ADCY10: variants seen among roughly 807,000 people sequenced by gnomAD.
ADCY10 encodes the protein adenylate cyclase 10, also known as adenylate cyclase type 10.
ADCY10 carries 156 observed loss-of-function variants against 183.3 expected under a neutral mutation model. The observed-to-expected ratio is 0.85, with a 90% confidence interval of 0.75 to 0.97. The LOEUF is 0.97. Among genes scored for constraint, ADCY10 ranks in the 50% least tolerant of loss-of-function variants. The pLI, the probability that ADCY10 is intolerant of heterozygous loss-of-function variation, is 0.00. For missense variants in ADCY10, 1,745 were observed against 1,934.3 expected, an observed-to-expected ratio of 0.90 and a Z score of 1.84; for synonymous variants, 645 against 670.0, an observed-to-expected ratio of 0.96 and a Z score of 0.58.
intron 22 of ADCY10, chr1:167,836,960 G>C (rs1488854032): frequency 4.9e-6 from 2 of 406,894 alleles, no homozygotes; most frequent in Admixed American, 3.7e-5. Flanking sequence ...AGAAGGCGGA[G>C]GTTGCAGTGA....
rs777481004 is a variant in ADCY10 at position 167,854,443 on chromosome 1, A to G, written c.2218T>C (p.Leu740=). Residue 740 remains leucine (L), a synonymous_variant, in exon 18 of 33, where the codon TTG becomes CTG. Transcript: ENST00000367851. ...TCATGATGTTCCAGGTTTTTAAGCA[A>G]TTCTTCACAGTAAAATGGAATCCCA... is the stretch of plus-strand genomic sequence containing the variant. ...SCGIPFYCEE[L]LKNLEHHEVL... is the part of the protein sequence containing the mutation. The G allele has an allele frequency of 6.2e-7, 1 of 1,614,186 alleles. No individual in the cohort carries two copies. The highest frequency in any genetic ancestry group is 2.2e-5 in the East Asian group (1 of 44,878).
At chr1:167,905,395 G>C (rs1669742399) in intron 1 of ADCY10, among the ~76,000 whole-genome samples, 197 bp from the exon 2 acceptor site, 1 of 152,202 alleles carries the variant, frequency 6.6e-6, no homozygotes, top group Admixed American at 6.5e-5. Flanking sequence ...TGTTGCATAA[G>C]TGAGCTCCAT....
chr1:167,824,380 C>CCTTCCCCACCCTAGGACTAGGCTAGG, intron 28 of ADCY10, 96 bp downstream of exon 28: 1 of 1,012,750 alleles, frequency 9.9e-7, no homozygotes, highest in Non-Finnish European at 1.6e-6. Context: ...AACTCTACTC[C>CCTTCCCCACCCTAGGACTAGGCTAGG]CTTCCCCACC....
chr1:167,826,259 C>T (rs1168266847), intron 26 of ADCY10, among the ~76,000 whole-genome samples: 1 of 152,154 alleles, frequency 6.6e-6, no homozygotes, highest in Admixed American at 6.5e-5. Context: ...ACGAGAAATC[C>T]AAGGCTGTAA....
intron 18 of ADCY10, among the ~76,000 whole-genome samples, chr1:167,849,284 G>A (rs1197334357): frequency 6.6e-6 from 1 of 152,134 alleles, no homozygotes; most frequent in Non-Finnish European, 1.5e-5. Context: ...TATTTTAAAT[G>A]GTGAAGTTTG....
At chr1:167,910,040 C>T (rs1003919073) in intron 1 of ADCY10, among the ~76,000 whole-genome samples, 1 of 152,186 alleles carries the variant, frequency 6.6e-6, no homozygotes, top group African/African-American at 2.4e-5. Context: ...CCTCACAGCT[C>T]TAAGCCCTTA....
At chr1:167,826,357 T>G (rs144625496) in intron 26 of ADCY10, among the ~76,000 whole-genome samples, 36 of 152,356 alleles carry the variant, frequency 2.4e-4, no homozygotes, top group African/African-American at 7.9e-4. Context: ...TCCTTGTTTA[T>G]GCGGCTTTTC....
In ADCY10 at chr1:167,884,613, T is replaced by C. The variant is rs1426112715; in HGVS notation, c.829-985A>G. 2.0e-5 allele frequency among the ~76,000 whole-genome samples: 3 copies of C among 151,884 alleles called. No individual in the cohort carries two copies. In the East Asian group the frequency reaches 5.8e-4, roughly 29 times the overall value. On this transcript the variant is annotated intron_variant, in intron 8 of 32. Coordinates refer to ENST00000367851, the MANE Select transcript of ADCY10 (RefSeq NM_018417.6). ...TTTTGTACTCATTGACCACCCCCAA[T>C]TCCTCCTCATCCCCCACTACCCTTC...
chr1:167,809,623 A>G lies in ADCY10; in HGVS notation c.*55T>C, dbSNP rs907337160. On this transcript the variant is annotated 3_prime_UTR_variant, in exon 33 of 33. Coordinates refer to ENST00000367851, the MANE Select transcript of ADCY10 (RefSeq NM_018417.6). The stretch of plus-strand genomic sequence containing the variant: ...GTGGGCCAGCCACGGAGAAAGGTCA[A>G]TAATAGATAATCACAAGGACATAGT... 17 of 1,595,134 alleles carry G rather than the reference A, an allele frequency of 1.1e-5. No individual in the cohort carries two copies. The highest frequency in any genetic ancestry group is 1.3e-5 in the African/African-American group (1 of 74,626).
At chr1:167,893,256 T>C (rs571236380) in intron 8 of ADCY10, among the ~76,000 whole-genome samples, 13 of 152,316 alleles carry the variant, frequency 8.5e-5, no homozygotes, top group African/African-American at 2.2e-4. Flanking sequence ...ATAGAAAGGG[T>C]GCCCGCATGT....
Position 167,883,507 on chromosome 1 carries a change from G to A in ADCY10, c.950C>T (p.Ala317Val). The A allele has an allele frequency of 6.2e-7, 1 of 1,614,184 alleles. No individual in the cohort carries two copies. Among genetic ancestry groups the A allele is most frequent in the South Asian group, 1.1e-5 (1 of 91,078 alleles). The change falls in exon 9 of 33, where the codon GCC (alanine) becomes GTC (valine). Residue 317 changes from alanine to valine, a missense_variant. By Grantham distance (64) the Ala-to-Val change is moderately conservative. Transcript: ENST00000367851. ...AEEIGPAIQD[A>V]YMHITSVLKI... ...CAGGACAGAAGTGATGTGCATATAG[G>A]CATCCTGGATGGCTGGGCCTATCTC...
chr1:167,817,780 A>G (rs1344296726), intron 31 of ADCY10, among the ~76,000 whole-genome samples: 3 of 152,230 alleles, frequency 2.0e-5, no homozygotes, highest in East Asian at 1.9e-4. Context: ...CAATTTAATG[A>G]CAGGAAATTA....
At chr1:167,837,169 G>A in intron 22 of ADCY10, 80 bp downstream of exon 22, 1 of 1,348,874 alleles carries the variant, frequency 7.4e-7, no homozygotes, top group Non-Finnish European at 1.1e-6. Context: ...GTACTGGCCA[G>A]ACAAATGATT....
At chr1:167,891,821 A>G (rs893492459) in intron 8 of ADCY10, among the ~76,000 whole-genome samples, 2 of 152,154 alleles carry the variant, frequency 1.3e-5, no homozygotes, top group African/African-American at 4.8e-5. Flanking sequence ...GACAATGTGA[A>G]ACACATTTTC....
At chr1:167,863,392 C>T (rs1396537389) in intron 14 of ADCY10, among the ~76,000 whole-genome samples, 8 of 152,152 alleles carry the variant, frequency 5.3e-5, no homozygotes, top group Non-Finnish European at 8.8e-5. Flanking sequence ...CTTACTCAAT[C>T]GATCACGACC....
intron 31 of ADCY10, among the ~76,000 whole-genome samples, chr1:167,814,193 T>A (rs1662378082): frequency 6.6e-6 from 1 of 152,216 alleles, no homozygotes; most frequent in African/African-American, 2.4e-5. Context: ...ATGGATTTTT[T>A]AAAAACATGA....
At chr1:167,903,310 T>A (rs1457176844) in intron 3 of ADCY10, among the ~76,000 whole-genome samples, 1 of 150,186 alleles carries the variant, frequency 6.7e-6, no homozygotes, top group African/African-American at 2.5e-5. Context: ...TCACCTGTAA[T>A]CCCAGCACTT....
chr1:167,880,673 A>G (rs1199478987), intron 9 of ADCY10, 64 bp from the exon 10 acceptor site: 1 of 1,259,038 alleles, frequency 7.9e-7, no homozygotes. Context: ...GACTGGCCAG[A>G]AGGCTCAACA....
At chr1:167,819,971 G>T in intron 30 of ADCY10, 1 of 1,379,424 alleles carries the variant, frequency 7.2e-7, no homozygotes, top group Non-Finnish European at 1.0e-6. Context: ...TTCTTCCATT[G>T]TTTTGCCACT....
Sources: allele counts gnomAD v4.1 joint callset (sites outside exome capture counted in the v4.1 genomes callset), GRCh38; gene constraint gnomAD v4.1.1; transcripts MANE v1.5; gene names NCBI Gene and HGNC (gene_info 2026-07-23, HGNC 2026-07-21).